The following NELL1 variants were observed in gnomAD, a reference collection of about 807,000 sequenced individuals.
The protein encoded by NELL1 is neural EGFL like 1.
Under a neutral mutation model 107.4 loss-of-function variants are expected in NELL1, and 76 were observed. The ratio of observed to expected loss-of-function variants is 0.71; its 90% CI spans 0.59 to 0.86. The LOEUF (loss-of-function observed/expected upper bound fraction) is 0.86, where lower values mean the gene tolerates loss of function less well. Ranked by LOEUF, NELL1 falls within the 40% of genes least tolerant of loss-of-function variation. The pLI is 0.00. For synonymous variants in NELL1, 353 were observed against 341.2 expected (o/e 1.03, Z -0.38); for missense variants, 1,024 against 1,005.5 (o/e 1.02, Z -0.25).
intron 15 of NELL1, among the ~76,000 whole-genome samples, chr11:21,462,021 T>C (rs191478854): frequency 3.3e-5 from 5 of 152,260 alleles, no homozygotes; most frequent in African/African-American, 9.6e-5. Context: ...AGCATTTTTC[T>C]AGACTGCTGG....
chr11:21,133,453 A>G (rs1267466117), intron 13 of NELL1, among the ~76,000 whole-genome samples: 1 of 151,950 alleles, frequency 6.6e-6, no homozygotes, highest in African/African-American at 2.4e-5. Context: ...GCCACCATCA[A>G]CCTGCTGTCC....
rs566672848 is a variant in NELL1, at chr11:21,278,664, G to A, written c.1549+49210G>A. 1.3e-3 allele frequency among the ~76,000 whole-genome samples: 204 copies of A among 152,258 alleles called. 3 individuals carry two copies. The South Asian group carries it at 0.042, about 31-fold the overall frequency. On this transcript the variant is annotated intron_variant, in intron 14 of 19. Transcript: ENST00000357134. ...AGAACTAAATAGAGAGATAATCCATGTTTATGGATAGGAAGACTCAATATT... is the reference window on the plus strand; with the variant it reads ...AGAACTAAATAGAGAGATAATCCATATTTATGGATAGGAAGACTCAATATT...
intron 13 of NELL1, among the ~76,000 whole-genome samples, chr11:21,176,742 T>C (rs1856721217): frequency 6.6e-6 from 1 of 151,812 alleles, no homozygotes; most frequent in African/African-American, 2.4e-5. Flanking sequence ...CTCTTCTCTA[T>C]GTTGTCATCA....
chr11:20,687,685 G>C (rs550598852), intron 2 of NELL1, among the ~76,000 whole-genome samples: 1 of 151,798 alleles, frequency 6.6e-6, no homozygotes, highest in Non-Finnish European at 1.5e-5. Flanking sequence ...TCCGCCTCCT[G>C]GGTTCAAGCG....
intron 15 of NELL1, among the ~76,000 whole-genome samples, chr11:21,384,319 C>T (rs988769453): frequency 4.6e-5 from 7 of 151,978 alleles, no homozygotes; most frequent in African/African-American, 1.7e-4. Context: ...GCCTATAAGG[C>T]CCTAGTTACT....
At chr11:21,347,623 C>A (rs1850713979) in intron 14 of NELL1, among the ~76,000 whole-genome samples, 2 of 152,242 alleles carry the variant, frequency 1.3e-5, no homozygotes, top group South Asian at 4.1e-4. Flanking sequence ...ACAACAACAA[C>A]AAAAGAAACC....
intron 12 of NELL1, among the ~76,000 whole-genome samples, chr11:21,011,614 G>A (rs1852448457): frequency 6.6e-6 from 1 of 152,170 alleles, no homozygotes; most frequent in East Asian, 1.9e-4. Flanking sequence ...AGAACTGACA[G>A]CTGGGGAATG....
intron 18 of NELL1, among the ~76,000 whole-genome samples, chr11:21,571,877 G>GT (rs1027144396): frequency 2.8e-4 from 43 of 151,836 alleles, no homozygotes; most frequent in African/African-American, 1.0e-3. Flanking sequence ...CTGTGTGTCC[G>GT]TAATTTAACA....
At position 21,371,783 on chromosome 11, in the gene NELL1, G is replaced by A. The variant is rs749379599; in HGVS notation, c.1645+835G>A. Among the ~76,000 whole-genome samples, 135 of 152,012 alleles carry A rather than the reference G, an allele frequency of 8.9e-4. 1 individual carries two copies. Among genetic ancestry groups the A allele is most frequent in the Non-Finnish European group, 6.8e-4 (46 of 67,976 alleles). Reference sequence around the variant, plus strand: ...CACAGAAAAATGGAAATAGGATGTCGCATTTATTATCCTTACTATTACATG... The same window carrying A: ...CACAGAAAAATGGAAATAGGATGTCACATTTATTATCCTTACTATTACATG... On this transcript the variant is annotated intron_variant, in intron 15 of 19. Coordinates refer to ENST00000357134, the MANE Select transcript of NELL1 (RefSeq NM_006157.5).
intron 13 of NELL1, among the ~76,000 whole-genome samples, chr11:21,219,704 A>T (rs1231975074): frequency 6.6e-6 from 1 of 152,186 alleles, no homozygotes; most frequent in African/African-American, 2.4e-5. Context: ...ATGAATATCC[A>T]GTTTTCCCAG....
At chr11:21,199,034 G>A (rs911255529) in intron 13 of NELL1, among the ~76,000 whole-genome samples, 2 of 152,122 alleles carry the variant, frequency 1.3e-5, no homozygotes, top group Admixed American at 6.6e-5. Context: ...CTAGTACATG[G>A]TTAAAGTCAG....
chr11:21,058,149 G>T (rs1454473846), intron 12 of NELL1, among the ~76,000 whole-genome samples: 2 of 152,028 alleles, frequency 1.3e-5, no homozygotes, highest in African/African-American at 4.8e-5. Context: ...AAAGACAATT[G>T]TATGGGTATG....
intron 15 of NELL1, among the ~76,000 whole-genome samples, chr11:21,478,836 T>C (rs1438028224): frequency 2.1e-5 from 1 of 47,706 alleles, no homozygotes; most frequent in South Asian, 1.7e-3. Flanking sequence ...CAAACAACCC[T>C]ATAAGAAAAA....
rs144167927 is a variant in NELL1, at chr11:20,883,012, T to TA, written c.507-2424dup. ...CTCCCTCCTCAGCAAGTTTTCTTTT[T>TA]AAAAAAAATACTGTTTTTAAACTCT... On this transcript the variant is annotated intron_variant, in intron 4 of 19. Transcript: ENST00000357134. Among the ~76,000 whole-genome samples the TA allele has an allele frequency of 3.3e-3, 502 of 152,254 alleles. 3 individuals are homozygous for TA. Among genetic ancestry groups the TA allele is most frequent in the African/African-American group, 0.011 (474 of 41,546 alleles).
At chr11:21,017,449 C>T (rs1852593078) in intron 12 of NELL1, among the ~76,000 whole-genome samples, 1 of 152,016 alleles carries the variant, frequency 6.6e-6, no homozygotes, top group South Asian at 2.1e-4. Flanking sequence ...CCTAGTTCTT[C>T]CCAATGTTAT....
rs772268640 is a variant in NELL1 at position 21,232,917 on chromosome 11, G to A, written c.1549+3463G>A. Among the ~76,000 whole-genome samples, 7 of 152,214 alleles carry A rather than the reference G, an allele frequency of 4.6e-5. No homozygotes were observed. In the East Asian group the frequency reaches 7.7e-4, roughly 17 times the overall value. On this transcript the variant is annotated intron_variant, in intron 14 of 19. Coordinates refer to ENST00000357134, the MANE Select transcript of NELL1 (RefSeq NM_006157.5). ...ATTTGCCTGCTTCAGCCTCCCAAAC[G>A]GCTGGGATTCCAGGCATGAGGCACT...
intron 2 of NELL1, among the ~76,000 whole-genome samples, chr11:20,681,995 C>G (rs1052078010): frequency 6.6e-6 from 1 of 152,044 alleles, no homozygotes; most frequent in African/African-American, 2.4e-5. Flanking sequence ...CCCAGGTAAT[C>G]TAAGTATTCT....
chr11:21,045,709 C>T (rs575221226), intron 12 of NELL1, among the ~76,000 whole-genome samples: 57 of 152,274 alleles, frequency 3.7e-4, no homozygotes, highest in African/African-American at 1.3e-3. Context: ...TTCACCATTG[C>T]AGTCTTCCAG....
At chr11:21,232,385 A>G (rs535015706) in intron 14 of NELL1, among the ~76,000 whole-genome samples, 1 of 151,520 alleles carries the variant, frequency 6.6e-6, no homozygotes, top group East Asian at 1.9e-4. Flanking sequence ...TAACAGTATT[A>G]TTGCATAGAA....
Sources: allele counts gnomAD v4.1 joint callset (sites outside exome capture counted in the v4.1 genomes callset), GRCh38; gene constraint gnomAD v4.1.1; transcripts MANE v1.5; gene names NCBI Gene and HGNC (gene_info 2026-07-23, HGNC 2026-07-21).